The following VAV2 variants were observed in gnomAD, a reference collection of about 807,000 sequenced individuals.
The protein encoded by VAV2 is guanine nucleotide exchange factor VAV2.
Under a neutral mutation model 132.5 loss-of-function variants are expected in VAV2, and 67 were observed. The observed-to-expected ratio is 0.51, with a 90% confidence interval of 0.42 to 0.62. VAV2 has a LOEUF of 0.62. Ranked by LOEUF, VAV2 falls within the 20% of genes least tolerant of loss-of-function variation. The pLI is 0.00. For missense variants in VAV2, 938 were observed against 1,153.6 expected, an observed-to-expected ratio of 0.81 and a Z score of 2.71; for synonymous variants, 492 against 443.5, an observed-to-expected ratio of 1.11 and a Z score of -1.37.
At position 133,763,026 on chromosome 9, in the gene VAV2, G is replaced by A. The variant is rs1465045062; in HGVS notation, c.*1036C>T. ...GGTAATGGGGTAGAGCCACCCCCAAGAGCACTTATTTTGAGTCGCCCGAGG... is the reference window on the plus strand; with the variant it reads ...GGTAATGGGGTAGAGCCACCCCCAAAAGCACTTATTTTGAGTCGCCCGAGG... On this transcript the variant is annotated 3_prime_UTR_variant, in exon 30 of 30. Coordinates refer to ENST00000371850, the MANE Select transcript of VAV2 (RefSeq NM_001134398.2). The surrounding 1 kb of genome is among the most constrained non-coding windows in gnomAD (Gnocchi z 6.8). 6.6e-6 allele frequency: 1 copy of A among 152,616 alleles called. No individual in the cohort carries two copies. The highest frequency in any genetic ancestry group is 1.5e-5 in the Non-Finnish European group (1 of 68,088). The allele number at this position is 152,616 out of a possible 1,614,324, so 9.5% of individuals were successfully genotyped here.
intron 1 of VAV2, among the ~76,000 whole-genome samples, chr9:133,963,051 G>T (rs1842015128): frequency 1.3e-5 from 2 of 152,170 alleles, no homozygotes; most frequent in Admixed American, 1.3e-4. Flanking sequence ...ATTTTGGACT[G>T]ATTATTTCTA....
intron 2 of VAV2, among the ~76,000 whole-genome samples, chr9:133,894,924 G>A (rs1839136383): frequency 6.6e-6 from 1 of 152,238 alleles, no homozygotes; most frequent in African/African-American, 2.4e-5. Context: ...AAGGACAGGA[G>A]ACAGCACAGG....
intron 1 of VAV2, among the ~76,000 whole-genome samples, chr9:133,959,606 C>T (rs934072758): frequency 3.9e-5 from 6 of 152,200 alleles, no homozygotes; most frequent in African/African-American, 7.2e-5. Flanking sequence ...CTGTGCACCA[C>T]GTCCCCTATC....
intron 1 of VAV2, among the ~76,000 whole-genome samples, chr9:133,982,675 G>A (rs1842735980): frequency 6.6e-6 from 1 of 152,144 alleles, no homozygotes; most frequent in Admixed American, 6.5e-5. Context: ...CGCGCCGCCT[G>A]GTTTTGGAGG....
intron 2 of VAV2, among the ~76,000 whole-genome samples, chr9:133,866,530 G>A (rs189658916): frequency 1.2e-4 from 18 of 152,126 alleles, no homozygotes; most frequent in East Asian, 5.8e-4. Context: ...CTGGCCAGGC[G>A]CGGTGGCTCA....
At chr9:133,922,215 C>T (rs985133719) in intron 2 of VAV2, among the ~76,000 whole-genome samples, 6 of 152,234 alleles carry the variant, frequency 3.9e-5, no homozygotes, top group Admixed American at 3.3e-4. Flanking sequence ...GAGAAGGAAC[C>T]CTGCCCTGCA....
intron 19 of VAV2, among the ~76,000 whole-genome samples, chr9:133,781,133 C>T (rs1833994145): frequency 6.6e-6 from 1 of 152,122 alleles, no homozygotes; most frequent in Non-Finnish European, 1.5e-5. Context: ...ATGCATGCTA[C>T]CTGCCACAAC....
Position 133,898,454 on chromosome 9 carries a change from C to T in VAV2, c.322-37022G>A, listed in dbSNP as rs532789215. On this transcript the variant is annotated intron_variant, in intron 2 of 29. Coordinates refer to ENST00000371850, the MANE Select transcript of VAV2 (RefSeq NM_001134398.2). ...AAAAAAAATACAAAAATCAGCCAGG[C>T]GTGGTGGCAGGTGCCTGTAATCCCA... 8.6e-5 allele frequency among the ~76,000 whole-genome samples: 13 copies of T among 151,602 alleles called. No homozygotes were observed. In the South Asian group the frequency reaches 2.7e-3, roughly 32 times the overall value.
intron 2 of VAV2, among the ~76,000 whole-genome samples, chr9:133,916,973 C>T (rs1419729971): frequency 6.6e-6 from 1 of 152,140 alleles, no homozygotes; most frequent in East Asian, 1.9e-4. Context: ...ACAAAGAAAC[C>T]CGGAGCTTTG....
intron 3 of VAV2, among the ~76,000 whole-genome samples, chr9:133,848,141 G>A (rs916415249): frequency 6.6e-6 from 1 of 151,742 alleles, no homozygotes; most frequent in South Asian, 2.1e-4. Context: ...TCAGCTGGGT[G>A]TAGTGGCGGG....
intron 2 of VAV2, among the ~76,000 whole-genome samples, chr9:133,868,420 C>G (rs1359581275): frequency 6.6e-6 from 1 of 152,234 alleles, no homozygotes. Context: ...CGTGCTGAGG[C>G]TCCCTGAGGC....
intron 1 of VAV2, among the ~76,000 whole-genome samples, chr9:133,955,439 TCTCCCCATA>T (rs1242534646): frequency 4.4e-4 from 10 of 22,890 alleles, no homozygotes; most frequent in Non-Finnish European, 8.4e-4. Flanking sequence ...TTCTCCCCAC[TCTCCCCATA>T]CTCCCCACTC....
intron 2 of VAV2, among the ~76,000 whole-genome samples, chr9:133,924,571 A>G (rs1275449132): frequency 2.0e-5 from 3 of 152,174 alleles, no homozygotes; most frequent in African/African-American, 7.2e-5. Context: ...CAATCTGTAC[A>G]CTAAGTCACC....
intron 3 of VAV2, chr9:133,861,109 T>C: frequency 2.3e-6 from 1 of 427,240 alleles, no homozygotes; most frequent in Non-Finnish European, 4.2e-6. Flanking sequence ...AAGGATTAAT[T>C]TGCTGATCTT....
chr9:133,980,116 G>A (rs1842647822), intron 1 of VAV2, among the ~76,000 whole-genome samples: 1 of 152,192 alleles, frequency 6.6e-6, no homozygotes, highest in Admixed American at 6.5e-5. Flanking sequence ...GTGGCCAGAG[G>A]GCAGAGCTGG....
At chr9:133,797,128 A>G (rs568360168) in intron 10 of VAV2, among the ~76,000 whole-genome samples, 7 of 152,310 alleles carry the variant, frequency 4.6e-5, no homozygotes, top group African/African-American at 1.2e-4. Context: ...TGGAGCCTGG[A>G]AACTCCAGCT....
At chr9:133,809,784 G>A (rs1319885817) in intron 6 of VAV2, among the ~76,000 whole-genome samples, 9 of 152,240 alleles carry the variant, frequency 5.9e-5, no homozygotes, top group African/African-American at 1.2e-4. Flanking sequence ...GGTCCAGGGT[G>A]AGGTGACAGG....
At chr9:133,792,068 T>C (rs1162792251) in intron 12 of VAV2, among the ~76,000 whole-genome samples, 199 bp from the exon 13 acceptor site, 8 of 131,050 alleles carry the variant, frequency 6.1e-5, no homozygotes. Context: ...TGTGCTGTGG[T>C]GTGTGTGTGT....
chr9:133,885,499 G>A lies in VAV2; in HGVS notation c.322-24067C>T, dbSNP rs1302191811. ...CTGAGGGCCTGCCACTGTGGACTCTGCAAGTGTCGTATTTACTAATAATGG... is the reference window on the plus strand; with the variant it reads ...CTGAGGGCCTGCCACTGTGGACTCTACAAGTGTCGTATTTACTAATAATGG... On this transcript the variant is annotated intron_variant, in intron 2 of 29. Transcript: ENST00000371850. This position sits in a 1 kb window ranked among gnomAD's most constrained non-coding sequence, Gnocchi z 5.0. 1.3e-5 allele frequency among the ~76,000 whole-genome samples: 2 copies of A among 152,202 alleles called. No homozygotes were observed. Among genetic ancestry groups the A allele is most frequent in the African/African-American group, 4.8e-5 (2 of 41,456 alleles).
Sources: allele counts gnomAD v4.1 joint callset (sites outside exome capture counted in the v4.1 genomes callset), GRCh38; gene constraint gnomAD v4.1.1; non-coding constraint Gnocchi (gnomAD v3.1); transcripts MANE v1.5; gene names NCBI Gene and HGNC (gene_info 2026-07-23, HGNC 2026-07-21).